ANO6: variants seen among roughly 807,000 people sequenced by gnomAD.
The protein encoded by ANO6 is anoctamin-6.
ANO6 carries 106 observed loss-of-function variants against 117.5 expected under a neutral mutation model. The observed-to-expected ratio is 0.90, with a 90% confidence interval of 0.77 to 1.06. The LOEUF (loss-of-function observed/expected upper bound fraction) is 1.06, where lower values mean the gene tolerates loss of function less well. Ranked by LOEUF, ANO6 falls within the 50% of genes least tolerant of loss-of-function variation. The probability of loss-of-function intolerance (pLI) is 0.00; values close to 1 mark genes in which losing one functional copy is unlikely to be tolerated. For synonymous variants in ANO6, 367 were observed against 385.1 expected (o/e 0.95, Z 0.55); for missense variants, 955 against 1,121.1 (o/e 0.85, Z 2.12).
At position 45,429,653 on chromosome 12, in the gene ANO6, T is replaced by C. The variant is rs1943588947; in HGVS notation, c.*342T>C. ...TTCTGTTTGATTATTTTCATTTCTG[T>C]CTATTCTCAGGCGCATGATCTCCTT... On this transcript the variant is annotated 3_prime_UTR_variant, in exon 20 of 20. Transcript: ENST00000320560. The C allele has an allele frequency of 1.7e-6, 2 of 1,151,062 alleles. No homozygotes were observed. Among genetic ancestry groups the C allele is most frequent in the African/African-American group, 3.2e-5 (2 of 61,678 alleles). 71.3% of individuals were successfully genotyped at this position (1,151,062 alleles called of 1,614,324 possible).
chr12:45,364,757 A>C (rs1941641409), intron 8 of ANO6, among the ~76,000 whole-genome samples: 1 of 152,196 alleles, frequency 6.6e-6, no homozygotes, highest in Non-Finnish European at 1.5e-5. Context: ...TTCATCTAAT[A>C]AATGCAATAT....
chr12:45,307,460 CTG>C (rs1939707045), intron 2 of ANO6, among the ~76,000 whole-genome samples: 1 of 152,094 alleles, frequency 6.6e-6, no homozygotes, highest in African/African-American at 2.4e-5. Context: ...ACCCAGAAGT[CTG>C]TGGAAGGAGC....
intron 9 of ANO6, among the ~76,000 whole-genome samples, chr12:45,376,997 C>T (rs1478140723): frequency 6.6e-6 from 1 of 151,962 alleles, no homozygotes; most frequent in Non-Finnish European, 1.5e-5. Flanking sequence ...GAGAATGTCG[C>T]TATTCTTTTA....
intron 8 of ANO6, among the ~76,000 whole-genome samples, chr12:45,366,883 A>T (rs1003427006): frequency 6.6e-6 from 1 of 152,210 alleles, no homozygotes; most frequent in East Asian, 1.9e-4. Flanking sequence ...TTTCCTAATG[A>T]TTACAGGTGT....
intron 9 of ANO6, among the ~76,000 whole-genome samples, chr12:45,376,887 A>G: frequency 6.8e-6 from 1 of 147,820 alleles, no homozygotes; most frequent in Middle Eastern, 3.4e-3. Flanking sequence ...GAAAAAAAAA[A>G]AGAAGAAGAA....
At chr12:45,218,434 G>A (rs1947349317) in intron 1 of ANO6, among the ~76,000 whole-genome samples, 2 of 122,828 alleles carry the variant, frequency 1.6e-5, no homozygotes, top group East Asian at 2.4e-4. Context: ...TCGCTCTGTC[G>A]TTTAGGCTAG....
intron 1 of ANO6, among the ~76,000 whole-genome samples, chr12:45,281,521 C>T (rs1389829477): frequency 2.0e-5 from 3 of 152,230 alleles, no homozygotes; most frequent in East Asian, 3.9e-4. Context: ...TGTCCCATAG[C>T]GAGAGCAGGA....
chr12:45,424,336 T>G lies in ANO6; in HGVS notation c.2526+1274T>G, dbSNP rs866222530. On this transcript the variant is annotated intron_variant, in intron 19 of 19. Coordinates refer to ENST00000320560, the MANE Select transcript of ANO6 (RefSeq NM_001025356.3). ...GAAAACTAGGTGATGGGTTTTTTTT[T>G]TTTTTTTTTTTTTTTTTTTAAAGAC... is the stretch of plus-strand genomic sequence containing the variant. 3.9e-4 allele frequency among the ~76,000 whole-genome samples: 48 copies of G among 123,488 alleles called. 1 individual carries two copies. The highest frequency in any genetic ancestry group is 1.4e-3 in the African/African-American group (46 of 33,104). The allele number at this position is 123,488 out of a possible 152,430, so 81.0% of individuals were successfully genotyped here.
intron 1 of ANO6, among the ~76,000 whole-genome samples, chr12:45,221,908 G>A (rs1262519440): frequency 1.6e-5 from 2 of 124,648 alleles, no homozygotes; most frequent in South Asian, 2.5e-4. Flanking sequence ...GGGAGACGTT[G>A]TCTTGCTCTG....
At chr12:45,375,988 T>A (rs1180587287) in intron 9 of ANO6, among the ~76,000 whole-genome samples, 2 of 148,548 alleles carry the variant, frequency 1.3e-5, no homozygotes, top group East Asian at 2.0e-4. Context: ...GAATCTACAA[T>A]GAACTCAAAC....
intron 2 of ANO6, among the ~76,000 whole-genome samples, chr12:45,308,320 A>G (rs1031116627): frequency 5.9e-5 from 9 of 151,982 alleles, no homozygotes; most frequent in Non-Finnish European, 8.8e-5. Flanking sequence ...CTTAGAAGTA[A>G]GAGGGAAGCC....
intron 8 of ANO6, among the ~76,000 whole-genome samples, chr12:45,364,464 T>C (rs1941634018): frequency 6.6e-6 from 1 of 152,250 alleles, no homozygotes; most frequent in South Asian, 2.1e-4. Flanking sequence ...TCCCACTAAT[T>C]TCTGAGACTG....
At chr12:45,258,314 TA>T (rs1174725908) in intron 1 of ANO6, among the ~76,000 whole-genome samples, 2 of 152,232 alleles carry the variant, frequency 1.3e-5, no homozygotes, top group African/African-American at 4.8e-5. Flanking sequence ...CATGCATACT[TA>T]TTAACATAAC....
At chr12:45,318,390 C>T (rs997459754) in intron 2 of ANO6, among the ~76,000 whole-genome samples, 1 of 152,166 alleles carries the variant, frequency 6.6e-6, no homozygotes, top group African/African-American at 2.4e-5. Flanking sequence ...AATCCTTTCC[C>T]CATTGCTTGT....
intron 16 of ANO6, among the ~76,000 whole-genome samples, chr12:45,413,621 G>C (rs1943142468): frequency 6.6e-6 from 1 of 152,206 alleles, no homozygotes; most frequent in Non-Finnish European, 1.5e-5. Context: ...AGTGAAGAGT[G>C]AGGGAGGCTC....
In ANO6 at chr12:45,357,347, G is replaced by A. The variant is rs1565715799; in HGVS notation, c.921G>A (p.Gln307=). The A allele has an allele frequency of 6.2e-7, 1 of 1,614,084 alleles. No individual in the cohort carries two copies. The highest frequency in any genetic ancestry group is 8.5e-7 in the Non-Finnish European group (1 of 1,179,992). Residue 307 remains glutamine, a synonymous_variant, in exon 8 of 20, where the codon CAG becomes CAA. Coordinates refer to ENST00000320560, the MANE Select transcript of ANO6 (RefSeq NM_001025356.3). ...TTGCTTGGCTGGGCTATTACACTCA[G>A]ATGCTTCTCCTGGCCGCAGTTGTAG... The part of the protein sequence containing the change: ...IYFAWLGYYT[Q]MLLLAAVVGV...
intron 2 of ANO6, among the ~76,000 whole-genome samples, chr12:45,330,671 T>C (rs1940632220): frequency 6.6e-6 from 1 of 152,144 alleles, no homozygotes; most frequent in East Asian, 1.9e-4. Context: ...TGTTGCTGGT[T>C]CTTTTGGTTT....
intron 12 of ANO6, among the ~76,000 whole-genome samples, chr12:45,393,450 A>G (rs896017787): frequency 6.6e-6 from 1 of 152,232 alleles, no homozygotes; most frequent in Admixed American, 6.5e-5. Flanking sequence ...ACCTTCCCCA[A>G]CCTAGCAAGG....
intron 3 of ANO6, among the ~76,000 whole-genome samples, chr12:45,332,509 A>G (rs10785570): frequency 0.51 from 77,467 of 151,854 alleles, 20,384 homozygotes; most frequent in East Asian, 0.78. Context: ...TTATATTTGC[A>G]TGGTGGAATA....
Sources: allele counts gnomAD v4.1 joint callset (sites outside exome capture counted in the v4.1 genomes callset), GRCh38; gene constraint gnomAD v4.1.1; transcripts MANE v1.5; gene names NCBI Gene and HGNC (gene_info 2026-07-23, HGNC 2026-07-21).